The following COL24A1 variants were observed in gnomAD, a reference collection of about 807,000 sequenced individuals.
COL24A1 encodes collagen alpha-1(XXIV) chain.
In COL24A1, 224 loss-of-function variants were observed where a neutral mutation model predicts 253.9. The ratio of observed to expected loss-of-function variants is 0.88; its 90% CI spans 0.79 to 0.99. The LOEUF (loss-of-function observed/expected upper bound fraction) is 0.99. COL24A1 is among the 50% of genes least tolerant of loss of function. The pLI is 0.00. For missense variants in COL24A1, 2,131 were observed against 2,068.5 expected, an observed-to-expected ratio of 1.03 and a Z score of -0.59; for synonymous variants, 685 against 673.7, an observed-to-expected ratio of 1.02 and a Z score of -0.26.
intron 32 of COL24A1, among the ~76,000 whole-genome samples, chr1:85,885,609 T>G (rs1015421475): frequency 1.3e-5 from 2 of 152,022 alleles, no homozygotes; most frequent in Non-Finnish European, 2.9e-5. Context: ...AATAGAGCAT[T>G]GCAATGGGAA....
chr1:85,960,586 T>A (rs1690930100), intron 24 of COL24A1, among the ~76,000 whole-genome samples: 1 of 152,084 alleles, frequency 6.6e-6, no homozygotes. Context: ...AATAAGCTTT[T>A]TAATAATGAA....
rs531203140 is a variant in COL24A1, at chr1:85,740,645, A to G, written c.4673-3140T>C. Reference sequence around the variant, plus strand: ...GCCAATTTTTCTATTTTTAGTAGAGATGAAGTTTCACCACGTTGGCCTGGC... The same window carrying G: ...GCCAATTTTTCTATTTTTAGTAGAGGTGAAGTTTCACCACGTTGGCCTGGC... On this transcript the variant is annotated intron_variant, in intron 57 of 59. Transcript: ENST00000370571. Among the ~76,000 whole-genome samples, 4 of 151,952 alleles carry G rather than the reference A, an allele frequency of 2.6e-5. No individual in the cohort carries two copies. The South Asian group carries it at 8.3e-4, about 32-fold the overall frequency.
intron 52 of COL24A1, among the ~76,000 whole-genome samples, chr1:85,780,119 T>G (rs1265157590): frequency 1.3e-5 from 2 of 152,142 alleles, no homozygotes; most frequent in African/African-American, 4.8e-5. Context: ...CCACTTACAA[T>G]CTTATATAGC....
intron 47 of COL24A1, among the ~76,000 whole-genome samples, chr1:85,809,447 T>C (rs1672308434): frequency 6.6e-6 from 1 of 152,178 alleles, no homozygotes; most frequent in Admixed American, 6.5e-5. Context: ...AAGGACAACT[T>C]GGAGGTCAGA....
intron 55 of COL24A1, among the ~76,000 whole-genome samples, chr1:85,748,410 A>G (rs1665516668): frequency 6.6e-6 from 1 of 152,244 alleles, no homozygotes; most frequent in African/African-American, 2.4e-5. Context: ...TATTTAAAGA[A>G]GATAAGAAAT....
At chr1:86,021,587 A>G (rs187488036) in intron 18 of COL24A1, among the ~76,000 whole-genome samples, 1 of 152,174 alleles carries the variant, frequency 6.6e-6, no homozygotes, top group Non-Finnish European at 1.5e-5. Flanking sequence ...ATTTAGATGT[A>G]TAGTCCTTAG....
At chr1:86,116,843 A>G (rs1356192050) in intron 3 of COL24A1, among the ~76,000 whole-genome samples, 4 of 152,104 alleles carry the variant, frequency 2.6e-5, no homozygotes, top group African/African-American at 9.7e-5. Context: ...TGCTATTTCT[A>G]TTCAGCCCCT....
chr1:86,114,253 G>A (rs1257045949), intron 4 of COL24A1, among the ~76,000 whole-genome samples: 1 of 152,148 alleles, frequency 6.6e-6, no homozygotes, highest in Non-Finnish European at 1.5e-5. Flanking sequence ...AAGAGAATGA[G>A]AATTGGACAA....
intron 24 of COL24A1, among the ~76,000 whole-genome samples, chr1:85,925,517 C>G (rs1405551547): frequency 6.6e-6 from 1 of 152,058 alleles, no homozygotes; most frequent in East Asian, 1.9e-4. Context: ...GAAATAACGC[C>G]GCATATCTAC....
chr1:85,993,670 A>G lies in COL24A1; in HGVS notation c.2311-6016T>C, dbSNP rs953415680. Among the ~76,000 whole-genome samples the G allele has an allele frequency of 2.0e-5, 3 of 152,184 alleles. No individual in the cohort carries two copies. The East Asian group carries it at 5.8e-4, about 29-fold the overall frequency. ...TGGTTTCACAGGTTATACATATGTCAAAAATTATCAAATTGTAAAATTTAA... is the reference window on the plus strand; with the variant it reads ...TGGTTTCACAGGTTATACATATGTCGAAAATTATCAAATTGTAAAATTTAA... On this transcript the variant is annotated intron_variant, in intron 19 of 59. Transcript: ENST00000370571.
intron 5 of COL24A1, among the ~76,000 whole-genome samples, chr1:86,095,993 T>C (rs1357378595): frequency 6.6e-6 from 1 of 152,094 alleles, no homozygotes; most frequent in Non-Finnish European, 1.5e-5. Context: ...TAGATTAGCA[T>C]CTGCTCAATA....
At chr1:85,864,345 C>A (rs898275405) in intron 37 of COL24A1, among the ~76,000 whole-genome samples, 38 of 143,670 alleles carry the variant, frequency 2.6e-4, no homozygotes, top group African/African-American at 4.4e-4. Flanking sequence ...GTGGGAATTG[C>A]ACAATGAGAA....
intron 19 of COL24A1, among the ~76,000 whole-genome samples, chr1:86,000,898 T>A (rs571634008): frequency 1.3e-5 from 2 of 152,336 alleles, no homozygotes; most frequent in East Asian, 3.9e-4. Flanking sequence ...CCTGCTACCA[T>A]ATAAGAAGGT....
intron 1 of COL24A1, among the ~76,000 whole-genome samples, chr1:86,147,489 T>C (rs1361486662): frequency 6.6e-6 from 1 of 152,220 alleles, no homozygotes. Context: ...AGATTTCAGC[T>C]GATATGGATA....
chr1:85,907,358 T>C, intron 27 of COL24A1, 111 bp from the exon 28 acceptor site: 1 of 819,514 alleles, frequency 1.2e-6, no homozygotes, highest in Non-Finnish European at 2.0e-6. Flanking sequence ...TTTTTACAAT[T>C]GATTAGTCTT....
chr1:85,742,553 C>A (rs932809756), intron 57 of COL24A1, among the ~76,000 whole-genome samples: 3 of 152,118 alleles, frequency 2.0e-5, no homozygotes, highest in African/African-American at 7.2e-5. Flanking sequence ...TCCTTCTTGA[C>A]CTTGAACTTG....
rs925883566 is a variant in COL24A1 at position 86,060,155 on chromosome 1, C to G, written c.1753-981G>C. 4.6e-5 allele frequency among the ~76,000 whole-genome samples: 7 copies of G among 152,148 alleles called. 1 individual carries two copies. Among genetic ancestry groups the G allele is most frequent in the Admixed American group, 3.9e-4 (6 of 15,270 alleles). On this transcript the variant is annotated intron_variant, in intron 8 of 59. Coordinates refer to ENST00000370571, the MANE Select transcript of COL24A1 (RefSeq NM_152890.7). The stretch of plus-strand genomic sequence containing the variant: ...TTAAGAAAGGAAAACTGCTACAGAA[C>G]TGGGTGAAAAAGTGAGACAAAATAT...
chr1:85,761,327 A>C, intron 55 of COL24A1, 69 bp downstream of exon 55: 1 of 1,540,866 alleles, frequency 6.5e-7, no homozygotes, highest in Non-Finnish European at 8.9e-7. Context: ...GAGTTAACAG[A>C]AGGATATTTA....
At chr1:85,908,731 A>G (rs911162535) in intron 26 of COL24A1, 80 bp from the exon 27 acceptor site, 23 of 554,540 alleles carry the variant, frequency 4.1e-5, no homozygotes, top group African/African-American at 7.8e-5. Flanking sequence ...CCAGTAAATT[A>G]TAAACAATAA....
Sources: allele counts gnomAD v4.1 joint callset (sites outside exome capture counted in the v4.1 genomes callset), GRCh38; gene constraint gnomAD v4.1.1; transcripts MANE v1.5; gene names NCBI Gene and HGNC (gene_info 2026-07-23, HGNC 2026-07-21).